Variants in KCNK10 observed in about 807,000 individuals in gnomAD.
KCNK10 encodes potassium channel subfamily K member 10.
A neutral mutation model predicts 47.7 loss-of-function variants in KCNK10; 25 were observed. That is an observed-to-expected ratio of 0.52 (90% CI 0.38 to 0.73). The LOEUF is 0.73. KCNK10 is among the 30% of genes least tolerant of loss of function. The pLI is 0.00. For synonymous variants in KCNK10, 303 were observed against 285.6 expected (o/e 1.06, Z -0.61); for missense variants, 563 against 714.5 (o/e 0.79, Z 2.42).
chr14:88,281,751 T>TATATATATATATATATATAC (rs1491147685), intron 1 of KCNK10, among the ~76,000 whole-genome samples: 1 of 138,196 alleles, frequency 7.2e-6, no homozygotes, highest in African/African-American at 2.6e-5. Flanking sequence ...TATATATATA[T>TATATATATATATATATATAC]ACACATACAC....
chr14:88,297,866 A>T (rs953182577), intron 1 of KCNK10, among the ~76,000 whole-genome samples: 9 of 152,354 alleles, frequency 5.9e-5, no homozygotes, highest in African/African-American at 1.9e-4. Context: ...TGGATGTGGG[A>T]GATGCAGACT....
At chr14:88,275,864 C>T (rs1887516280) in intron 1 of KCNK10, among the ~76,000 whole-genome samples, 1 of 151,882 alleles carries the variant, frequency 6.6e-6, no homozygotes, top group Non-Finnish European at 1.5e-5. Context: ...GAGACTCCAT[C>T]TCAAAAAACT....
At chr14:88,232,856 G>A (rs942695262) in intron 3 of KCNK10, among the ~76,000 whole-genome samples, 11 of 152,142 alleles carry the variant, frequency 7.2e-5, no homozygotes, top group Admixed American at 5.9e-4. Flanking sequence ...TGCATAATTG[G>A]TATGACACAG....
At chr14:88,258,288 G>A (rs1887013867) in intron 2 of KCNK10, among the ~76,000 whole-genome samples, 1 of 146,512 alleles carries the variant, frequency 6.8e-6, no homozygotes, top group Non-Finnish European at 1.5e-5. Context: ...CTTATGGTGA[G>A]TCTTTTTTTT....
intron 4 of KCNK10, among the ~76,000 whole-genome samples, chr14:88,225,114 G>A (rs1187881503): frequency 4.6e-5 from 7 of 152,110 alleles, no homozygotes; most frequent in South Asian, 2.1e-4. Context: ...CCACCTAAAC[G>A]TAATTGGACT....
intron 1 of KCNK10, among the ~76,000 whole-genome samples, chr14:88,286,749 A>G (rs1190084213): frequency 6.6e-6 from 1 of 152,148 alleles, no homozygotes; most frequent in African/African-American, 2.4e-5. Flanking sequence ...AAACCATTAG[A>G]TTTCATGAGA....
intron 4 of KCNK10, among the ~76,000 whole-genome samples, chr14:88,220,805 T>C (rs1490058832): frequency 6.6e-6 from 1 of 151,976 alleles, no homozygotes; most frequent in Non-Finnish European, 1.5e-5. Context: ...AGTATGCCAA[T>C]TACTTTTTAG....
In KCNK10 at chr14:88,265,602, G is replaced by A. The variant is rs140445229; in HGVS notation, c.53-2051C>T. Reference sequence around the variant, plus strand: ...TGGCAATTTGCTACGGAAGCCCCAGGAAATGAATCTGCCCTCCATTAGTTC... The same window carrying A: ...TGGCAATTTGCTACGGAAGCCCCAGAAAATGAATCTGCCCTCCATTAGTTC... On this transcript the variant is annotated intron_variant, in intron 1 of 6. Transcript: ENST00000319231. Among the ~76,000 whole-genome samples the A allele has an allele frequency of 4.5e-3, 679 of 152,340 alleles. 1 individual carries two copies. The highest frequency in any genetic ancestry group is 6.9e-3 in the Non-Finnish European group (470 of 68,032).
At chr14:88,318,447 G>T (rs1888473285) in intron 1 of KCNK10, among the ~76,000 whole-genome samples, 1 of 152,204 alleles carries the variant, frequency 6.6e-6, no homozygotes, top group African/African-American at 2.4e-5. Flanking sequence ...CATGACAAGT[G>T]CCAGTAAGAC....
At chr14:88,291,023 G>A (rs1174072696) in intron 1 of KCNK10, among the ~76,000 whole-genome samples, 2 of 152,210 alleles carry the variant, frequency 1.3e-5, no homozygotes, top group Non-Finnish European at 1.5e-5. Context: ...CCTCTGCCGC[G>A]GAAAAGGGCA....
rs1884459398 is a variant in KCNK10, at chr14:88,184,092, C to T, written c.*1443G>A. 1 of 152,318 alleles carries T rather than the reference C, an allele frequency of 6.6e-6. No individual in the cohort carries two copies. The allele number at this position is 152,318 out of a possible 1,614,324, so 9.4% of individuals were successfully genotyped here. ...CATACACAGGAGTATGTATTTTCCC[C>T]TTTCTGATACAAACCCATTTAAAAT... On this transcript the variant is annotated 3_prime_UTR_variant, in exon 7 of 7. Transcript: ENST00000319231.
At chr14:88,206,672 A>G (rs1885285995) in intron 4 of KCNK10, among the ~76,000 whole-genome samples, 1 of 152,250 alleles carries the variant, frequency 6.6e-6, no homozygotes, top group African/African-American at 2.4e-5. Context: ...CATTCTACGT[A>G]TAGATGCCAA....
Position 88,263,191 on chromosome 14 carries a change from T to C in KCNK10, c.402+11A>G, listed in dbSNP as rs761348355. On this transcript the variant is annotated intron_variant, in intron 2 of 6. Coordinates refer to ENST00000319231, the MANE Select transcript of KCNK10 (RefSeq NM_138317.3). ...ACCAGCTGGCCTAAGATGGACTCACTCCCTGCTCACCTGGATCAACGTCTC... is the reference window on the plus strand; with the variant it reads ...ACCAGCTGGCCTAAGATGGACTCACCCCCTGCTCACCTGGATCAACGTCTC... 1 of 1,607,634 alleles carries C rather than the reference T, an allele frequency of 6.2e-7. No homozygotes were observed. The highest frequency in any genetic ancestry group is 8.5e-7 in the Non-Finnish European group (1 of 1,175,732).
At chr14:88,198,981 G>A (rs535469923) in intron 4 of KCNK10, among the ~76,000 whole-genome samples, 27 of 147,244 alleles carry the variant, frequency 1.8e-4, no homozygotes, top group African/African-American at 3.7e-4. Flanking sequence ...GTGCAGTGGC[G>A]CAAACTCAGC....
Position 88,186,221 on chromosome 14 carries a change from C to A in KCNK10, c.1012-66G>T, listed in dbSNP as rs1595068475. On this transcript the variant is annotated intron_variant, in intron 6 of 6. Coordinates refer to ENST00000319231, the MANE Select transcript of KCNK10 (RefSeq NM_138317.3). This position sits in a 1 kb window ranked among gnomAD's most constrained non-coding sequence, Gnocchi z 5.5. ...CCTCCCTGCCTTGGCCTCCCAGCAC[C>A]CACAGCCCTCGGGTGTCCCCACGGG... 6.7e-7 allele frequency: 1 copy of A among 1,499,260 alleles called. No individual in the cohort carries two copies. 92.9% of individuals were successfully genotyped at this position (1,499,260 alleles called of 1,614,324 possible).
chr14:88,210,579 C>A (rs1412768530), intron 4 of KCNK10, among the ~76,000 whole-genome samples: 2 of 152,102 alleles, frequency 1.3e-5, no homozygotes, highest in Non-Finnish European at 2.9e-5. Context: ...ACTGAGCCAC[C>A]CGTCCTCCCA....
At chr14:88,289,367 T>A (rs1346105719) in intron 1 of KCNK10, among the ~76,000 whole-genome samples, 1 of 152,228 alleles carries the variant, frequency 6.6e-6, no homozygotes, top group African/African-American at 2.4e-5. Flanking sequence ...TAGTGTGGTG[T>A]AAGTGATCTT....
At chr14:88,195,951 A>G (rs1884898668) in intron 4 of KCNK10, among the ~76,000 whole-genome samples, 1 of 152,226 alleles carries the variant, frequency 6.6e-6, no homozygotes, top group African/African-American at 2.4e-5. Context: ...CGCTAGCAGA[A>G]AGCTCTGTGA....
chr14:88,311,046 G>A (rs987243147), intron 1 of KCNK10, among the ~76,000 whole-genome samples: 1 of 152,102 alleles, frequency 6.6e-6, no homozygotes, highest in Non-Finnish European at 1.5e-5. Flanking sequence ...ATTGCTTTAA[G>A]ATACACCTCC....
Sources: allele counts gnomAD v4.1 joint callset (sites outside exome capture counted in the v4.1 genomes callset), GRCh38; gene constraint gnomAD v4.1.1; non-coding constraint Gnocchi (gnomAD v3.1); transcripts MANE v1.5; gene names NCBI Gene and HGNC (gene_info 2026-07-23, HGNC 2026-07-21).